Variants in FGF14 observed in about 807,000 individuals in gnomAD.
FGF14 encodes the protein fibroblast growth factor homologous factor 4.
In FGF14, 5 loss-of-function variants were observed where a neutral mutation model predicts 25.5. That is an observed-to-expected ratio of 0.20 (90% confidence interval 0.10 to 0.41). FGF14 has a LOEUF of 0.41. FGF14 is among the 10% of genes least tolerant of loss of function. The probability of loss-of-function intolerance (pLI) is 1.00; values close to 1 mark genes in which losing one functional copy is unlikely to be tolerated. For missense variants in FGF14, 222 were observed against 320.1 expected, an observed-to-expected ratio of 0.69 and a Z score of 2.34; for synonymous variants, 138 against 118.3, an observed-to-expected ratio of 1.17 and a Z score of -1.08.
intron 3 of FGF14, among the ~76,000 whole-genome samples, chr13:101,770,239 A>T (rs2038685571): frequency 6.6e-6 from 1 of 152,120 alleles, no homozygotes; most frequent in South Asian, 2.1e-4. Context: ...TAATTTTTGT[A>T]CAAACCATTC....
rs140414476 is a variant in FGF14, at chr13:102,354,903, G to C, written c.208+46568C>G. On this transcript the variant is annotated intron_variant, in intron 1 of 4. Coordinates refer to the FGF14 transcript ENST00000376131. ...CTGTTCATCCCTCAAGACCTAGTTT[G>C]AGTTACCTTATTTGTAAAAACTTCC... Among the ~76,000 whole-genome samples the C allele has an allele frequency of 9.9e-4, 148 of 149,500 alleles. 1 individual carries two copies. Among genetic ancestry groups the C allele is most frequent in the South Asian group, 6.8e-3 (33 of 4,822 alleles).
At chr13:101,903,100 T>C (rs1469452262) in intron 1 of FGF14, among the ~76,000 whole-genome samples, 1 of 152,126 alleles carries the variant, frequency 6.6e-6, no homozygotes, top group Non-Finnish European at 1.5e-5. Flanking sequence ...CTAGTGGCTA[T>C]TTAGAAGCAT....
intron 1 of FGF14, among the ~76,000 whole-genome samples, chr13:101,884,771 TTTAAACG>T (rs2045903682): frequency 6.6e-6 from 1 of 152,018 alleles, no homozygotes; most frequent in African/African-American, 2.4e-5. Flanking sequence ...GCATACCTTA[TTTAAACG>T]GTGGAAATGT....
intron 1 of FGF14, among the ~76,000 whole-genome samples, chr13:102,078,711 A>T (rs2043481050): frequency 6.6e-6 from 1 of 152,192 alleles, no homozygotes; most frequent in Non-Finnish European, 1.5e-5. Flanking sequence ...AGCTATAGAG[A>T]GTTAAAAGCT....
chr13:102,153,595 ATTT>A (rs1459764897), intron 1 of FGF14, among the ~76,000 whole-genome samples: 1 of 152,184 alleles, frequency 6.6e-6, no homozygotes, highest in African/African-American at 2.4e-5. Context: ...TGTTTATTTT[ATTT>A]TTATTGAGGT....
At chr13:102,202,639 C>A (rs2049715817) in intron 1 of FGF14, among the ~76,000 whole-genome samples, 1 of 152,182 alleles carries the variant, frequency 6.6e-6, no homozygotes, top group Admixed American at 6.5e-5. Flanking sequence ...CTGTTGCTAC[C>A]TTTTGAAGCC....
intron 1 of FGF14, among the ~76,000 whole-genome samples, chr13:102,026,548 C>A (rs1831949104): frequency 1.3e-5 from 2 of 151,770 alleles, no homozygotes; most frequent in Admixed American, 6.6e-5. Context: ...AATTTGCTAT[C>A]TTTTGGTCAT....
intron 1 of FGF14, among the ~76,000 whole-genome samples, chr13:102,161,619 G>GAAGAAGAAC (rs2047696635): frequency 4.3e-4 from 2 of 4,608 alleles, no homozygotes; most frequent in Non-Finnish European, 7.3e-4. Context: ...AGAAGAAGAA[G>GAAGAAGAAC]AAGAAGAAGA....
chr13:102,071,130 G>A (rs917141153), intron 1 of FGF14, among the ~76,000 whole-genome samples: 11 of 152,128 alleles, frequency 7.2e-5, no homozygotes, highest in Admixed American at 7.2e-4. Context: ...CATCACAGAA[G>A]GAGAAAAAGA....
intron 1 of FGF14, among the ~76,000 whole-genome samples, chr13:101,930,064 G>A (rs553511924): frequency 2.6e-5 from 4 of 152,272 alleles, no homozygotes; most frequent in Admixed American, 2.0e-4. Flanking sequence ...TCGTTTTAAC[G>A]TGAGAGCTTA....
intron 1 of FGF14, among the ~76,000 whole-genome samples, chr13:101,929,070 C>T (rs1270456543): frequency 2.6e-5 from 4 of 152,182 alleles, no homozygotes; most frequent in African/African-American, 9.7e-5. Context: ...ATTAATGCGT[C>T]TATTGAGCGC....
chr13:102,063,743 A>G (rs1168615012), intron 1 of FGF14, among the ~76,000 whole-genome samples: 1 of 152,222 alleles, frequency 6.6e-6, no homozygotes, highest in Non-Finnish European at 1.5e-5. Context: ...AACATATAAA[A>G]CATGAATAAG....
chr13:102,301,826 TCACACACACACACA>T (rs3066038), intron 1 of FGF14, among the ~76,000 whole-genome samples: 42 of 139,978 alleles, frequency 3.0e-4, no homozygotes, highest in African/African-American at 7.9e-4. Context: ...TTCCTGTACT[TCACACACACACACA>T]CACACACACA....
chr13:102,377,318 G>A (rs907200535), intron 1 of FGF14, among the ~76,000 whole-genome samples: 3 of 152,030 alleles, frequency 2.0e-5, no homozygotes, highest in African/African-American at 7.2e-5. Context: ...CAGAGAATGG[G>A]AATGACCATA....
intron 1 of FGF14, among the ~76,000 whole-genome samples, chr13:101,939,866 A>G (rs2035331434): frequency 6.6e-6 from 1 of 152,254 alleles, no homozygotes; most frequent in Non-Finnish European, 1.5e-5. Context: ...TTAGAAAGAA[A>G]TAGCATGAAT....
intron 1 of FGF14, among the ~76,000 whole-genome samples, chr13:102,151,979 G>A (rs1457535688): frequency 6.6e-6 from 1 of 152,126 alleles, no homozygotes; most frequent in Non-Finnish European, 1.5e-5. Context: ...TTTTACTGCT[G>A]AGGAGATTTC....
intron 1 of FGF14, among the ~76,000 whole-genome samples, chr13:102,081,381 G>A (rs1482430775): frequency 2.0e-5 from 3 of 152,316 alleles, no homozygotes; most frequent in Middle Eastern, 3.4e-3. Flanking sequence ...GCATCAACTA[G>A]TAAGGAAGAC....
chr13:102,161,617 AAGAAGAAGAAGAAGAAGAAGAAG>A (rs2047694326), intron 1 of FGF14, among the ~76,000 whole-genome samples: 5 of 7,138 alleles, frequency 7.0e-4, no homozygotes, highest in Admixed American at 2.0e-3. Flanking sequence ...GAAGAAGAAG[AAGAAGAAGAAGAAGAAGAAGAAG>A]AAGAAGAAGA....
intron 1 of FGF14, among the ~76,000 whole-genome samples, chr13:102,098,573 C>A (rs145317594): frequency 1.2e-3 from 179 of 152,256 alleles, no homozygotes; most frequent in African/African-American, 3.9e-3. Context: ...GCCTTGATTA[C>A]ATTTAGATAC....
Sources: allele counts gnomAD v4.1 joint callset (sites outside exome capture counted in the v4.1 genomes callset), GRCh38; gene constraint gnomAD v4.1.1; transcripts MANE v1.5; gene names NCBI Gene and HGNC (gene_info 2026-07-23, HGNC 2026-07-21).